DISP3: variants seen among roughly 807,000 people sequenced by gnomAD.
DISP3 encodes dispatched RND transporter family member 3.
A neutral mutation model predicts 135.3 loss-of-function variants in DISP3; 101 were observed. The ratio of observed to expected loss-of-function variants is 0.75; its 90% CI spans 0.64 to 0.88. DISP3 has a LOEUF of 0.88. Ranked by LOEUF, DISP3 falls within the 40% of genes least tolerant of loss-of-function variation. The probability of loss-of-function intolerance (pLI) is 0.00; values close to 1 mark genes in which losing one functional copy is unlikely to be tolerated. For synonymous variants in DISP3, 856 were observed against 817.0 expected (o/e 1.05, Z -0.81); for missense variants, 1,713 against 1,878.6 (o/e 0.91, Z 1.63).
At chr1:11,489,227 A>T (rs1485030433) in intron 1 of DISP3, among the ~76,000 whole-genome samples, 1 of 152,180 alleles carries the variant, frequency 6.6e-6, no homozygotes, top group Admixed American at 6.5e-5. Context: ...GCGGCCCCTC[A>T]GCAGGTTTGA....
chr1:11,530,454 C>A, intron 15 of DISP3, among the ~76,000 whole-genome samples: 1 of 152,076 alleles, frequency 6.6e-6, no homozygotes, highest in East Asian at 1.9e-4. Context: ...TAGTCACAGC[C>A]CAGCGGGGTA....
At chr1:11,509,388 A>G (rs368113929) in intron 3 of DISP3, among the ~76,000 whole-genome samples, 3 of 151,976 alleles carry the variant, frequency 2.0e-5, no homozygotes, top group African/African-American at 7.2e-5. Context: ...GAAATGTTCT[A>G]TAAGTCTTAA....
At chr1:11,527,673 C>T (rs1642463810) in intron 13 of DISP3, among the ~76,000 whole-genome samples, 1 of 152,214 alleles carries the variant, frequency 6.6e-6, no homozygotes, top group African/African-American at 2.4e-5. Context: ...CTGCTCCCCA[C>T]CTTGATAGCT....
In DISP3 at chr1:11,525,224, C is replaced by A. The variant is rs753192804; in HGVS notation, c.2525C>A (p.Pro842His). 6.2e-7 allele frequency: 1 copy of A among 1,614,090 alleles called. No individual in the cohort carries two copies. Among genetic ancestry groups the A allele is most frequent in the Non-Finnish European group, 8.5e-7 (1 of 1,179,962 alleles). Residue 842 changes from proline (P) to histidine (H), a missense_variant, in exon 12 of 21, where the codon CCC becomes CAC. Around this residue, in one of 2 missense-constraint regions of DISP3, gnomAD observed 1,142 missense variants for 1,384.6 expected, o/e 0.82. Transcript: ENST00000294484. ...YISKVKSQGHPAVYRLSLNAS... is the reference protein window; with the variant it reads ...YISKVKSQGHHAVYRLSLNAS... ...TCTAAAGTGAAGAGTCAAGGCCACCCCGCTGTCTACAGGCTCTCCCTCAAT... is the reference window on the plus strand; with the variant it reads ...TCTAAAGTGAAGAGTCAAGGCCACCACGCTGTCTACAGGCTCTCCCTCAAT...
Position 11,536,806 on chromosome 1 carries a change from C to T in DISP3, c.*120C>T, listed in dbSNP as rs1642717519. The T allele has an allele frequency of 2.3e-6, 3 of 1,310,948 alleles. No homozygotes were observed. The highest frequency in any genetic ancestry group is 3.0e-6 in the Non-Finnish European group (3 of 987,712). The allele number at this position is 1,310,948 out of a possible 1,614,324, so 81.2% of individuals were successfully genotyped here. ...CCTGGGCCCAGGGCGCCCTGCGGGC[C>T]AGCGTGGAGGCTGACACCCACACAG... On this transcript the variant is annotated 3_prime_UTR_variant, in exon 21 of 21. Transcript: ENST00000294484. The surrounding 1 kb of genome is among the most constrained non-coding windows in gnomAD (Gnocchi z 4.3).
At chr1:11,484,698 A>G (rs1185360113) in intron 1 of DISP3, among the ~76,000 whole-genome samples, 2 of 152,154 alleles carry the variant, frequency 1.3e-5, no homozygotes, top group African/African-American at 4.8e-5. Context: ...AGTTTGGAAA[A>G]GGCTGTTGGG....
At chr1:11,518,099 A>T (rs1044629834) in intron 7 of DISP3, among the ~76,000 whole-genome samples, 1 of 152,144 alleles carries the variant, frequency 6.6e-6, no homozygotes, top group African/African-American at 2.4e-5. Flanking sequence ...TTTAGGGGGA[A>T]AGACCTTGTG....
chr1:11,502,948 A>T, intron 3 of DISP3, 51 bp downstream of exon 3: 1 of 1,468,406 alleles, frequency 6.8e-7, no homozygotes, highest in Non-Finnish European at 9.4e-7. Flanking sequence ...TTGATTTCCA[A>T]TTGCCTCTTA....
At chr1:11,489,102 G>A (rs1283323224) in intron 1 of DISP3, among the ~76,000 whole-genome samples, 1 of 152,202 alleles carries the variant, frequency 6.6e-6, no homozygotes, top group Non-Finnish European at 1.5e-5. Context: ...CAGGGGACGG[G>A]GGAGCCCCAA....
intron 1 of DISP3, chr1:11,481,972 C>A (rs1343703904): frequency 3.9e-5 from 6 of 152,140 alleles, no homozygotes; most frequent in Non-Finnish European, 8.8e-5. Context: ...GTCTATATAT[C>A]CTCTGCATAT....
Position 11,516,206 on chromosome 1 carries a change from A to C in DISP3, c.1749+45A>C. 2 of 1,592,014 alleles carry C rather than the reference A, an allele frequency of 1.3e-6. No individual in the cohort carries two copies. The highest frequency in any genetic ancestry group is 1.1e-5 in the South Asian group (1 of 87,634). On this transcript the variant is annotated intron_variant, in intron 6 of 20. Transcript: ENST00000294484. The surrounding 1 kb of genome is among the most constrained non-coding windows in gnomAD (Gnocchi z 5.1). ...TCCTGTCCTGGCCTCCCACACGCTC[A>C]TGCATACCTAGCCGCTGGTCTCTGC...
At position 11,519,632 on chromosome 1, in the gene DISP3, C is replaced by T. The variant is rs533756868; in HGVS notation, c.2039-87C>T. 2.5e-5 allele frequency: 39 copies of T among 1,570,754 alleles called. No individual in the cohort carries two copies. The South Asian group carries it at 3.5e-4, about 14-fold the overall frequency. The stretch of plus-strand genomic sequence containing the variant: ...ACAAGATGGCCTGTGGGCTTCCTCA[C>T]CAGGCATCTGGGCTTCCCTGGAAGC... On this transcript the variant is annotated intron_variant, in intron 8 of 20. Coordinates refer to ENST00000294484, the MANE Select transcript of DISP3 (RefSeq NM_020780.2). The surrounding 1 kb of genome is among the most constrained non-coding windows in gnomAD (Gnocchi z 4.3).
intron 1 of DISP3, among the ~76,000 whole-genome samples, chr1:11,492,879 T>C (rs567305824): frequency 6.6e-6 from 1 of 152,308 alleles, no homozygotes; most frequent in South Asian, 2.1e-4. Flanking sequence ...CCTGGCTCTG[T>C]TGCCGTGTTC....
At chr1:11,534,260 C>T in intron 17 of DISP3, 121 bp from the exon 18 acceptor site, 1 of 1,239,952 alleles carries the variant, frequency 8.1e-7, no homozygotes, top group Non-Finnish European at 1.2e-6. Context: ...AATCGTTGTT[C>T]ACACCCTCCC....
At chr1:11,526,932 C>A in intron 13 of DISP3, 97 bp downstream of exon 13, 1 of 1,355,474 alleles carries the variant, frequency 7.4e-7, no homozygotes, top group South Asian at 1.5e-5. Context: ...GGGATGCCAG[C>A]AGGCCCCCTC....
intron 10 of DISP3, among the ~76,000 whole-genome samples, 156 bp from the exon 11 acceptor site, chr1:11,523,786 T>C (rs868782270): frequency 1.6e-4 from 25 of 152,126 alleles, no homozygotes; most frequent in African/African-American, 5.8e-4. Flanking sequence ...TAAAAGTTCT[T>C]TCTAGTTTCT....
At chr1:11,530,762 G>A (rs1642555180) in intron 15 of DISP3, 145 bp from the exon 16 acceptor site, 3 of 1,091,072 alleles carry the variant, frequency 2.7e-6, no homozygotes, top group Admixed American at 3.8e-5. Flanking sequence ...TGGAGCAGTG[G>A]GTGAGCAGTT....
At chr1:11,514,608 G>A in intron 4 of DISP3, 82 bp downstream of exon 4, 1 of 1,498,138 alleles carries the variant, frequency 6.7e-7, no homozygotes, top group Non-Finnish European at 9.2e-7. Context: ...CAAGAATGCT[G>A]CAATACTCTT....
Position 11,529,644 on chromosome 1 carries a change from G to T in DISP3, c.2887G>T (p.Asp963Tyr), listed in dbSNP as rs775462722. ...PPGCLLSSSPDGPTKGFFFVP... is the reference protein window; with the variant it reads ...PPGCLLSSSPYGPTKGFFFVP... ...TGGCTGCCTGCTTAGCTCCAGCCCC[G>T]ATGGGCCTACCAAAGGCTTCTTCTT... The change falls in exon 14 of 21, where the codon GAT becomes TAT. Residue 963 changes from aspartate to tyrosine, a missense_variant. This residue lies in a region of DISP3 where 1,142 missense variants were observed against 1,384.6 expected (regional missense o/e 0.82). Transcript: ENST00000294484. This position sits in a 1 kb window ranked among gnomAD's most constrained non-coding sequence, Gnocchi z 4.7. 1.2e-6 allele frequency: 2 copies of T among 1,609,082 alleles called. No homozygotes were observed. The highest frequency in any genetic ancestry group is 1.7e-6 in the Non-Finnish European group (2 of 1,176,240).
Sources: gnomAD v4.1 joint callset for allele counts (sites outside exome capture counted in the v4.1 genomes callset) on GRCh38, gnomAD v4.1.1 for gene constraint, gnomAD v4.1.1 regional missense constraint, Gnocchi (gnomAD v3.1) non-coding constraint, MANE v1.5 for transcripts, NCBI Gene and HGNC (gene_info 2026-07-23, HGNC 2026-07-21) for gene names.